Variants in MGAT4C observed in about 807,000 individuals in gnomAD.
MGAT4C encodes the protein alpha-1,3-mannosyl-glycoprotein 4-beta-N-acetylglucosaminyltransferase C.
MGAT4C carries 19 observed loss-of-function variants against 40.1 expected under a neutral mutation model. That is an observed-to-expected ratio of 0.47 (90% confidence interval 0.33 to 0.70). MGAT4C has a LOEUF of 0.70. Among genes scored for constraint, MGAT4C ranks in the 30% least tolerant of loss-of-function variants. The pLI is 0.02. For synonymous variants in MGAT4C, 181 were observed against 187.1 expected, an observed-to-expected ratio of 0.97 and a Z score of 0.27; for missense variants, 491 against 563.2, an observed-to-expected ratio of 0.87 and a Z score of 1.30.
chr12:86,582,725 A>C (rs1371900285), intron 2 of MGAT4C, among the ~76,000 whole-genome samples: 5 of 151,256 alleles, frequency 3.3e-5, no homozygotes, highest in Non-Finnish European at 7.4e-5. Flanking sequence ...GTGATATTGA[A>C]TAGGCTGGTT....
chr12:86,710,808 G>A (rs557477064), intron 2 of MGAT4C, among the ~76,000 whole-genome samples: 1 of 152,282 alleles, frequency 6.6e-6, no homozygotes, highest in South Asian at 2.1e-4. Context: ...CGAACGAGTG[G>A]ATGAAGAACA....
At chr12:86,362,929 G>T (rs1349615021) in intron 3 of MGAT4C, among the ~76,000 whole-genome samples, 1 of 149,308 alleles carries the variant, frequency 6.7e-6, no homozygotes, top group African/African-American at 2.5e-5. Flanking sequence ...GTGGATTTCA[G>T]CATAAGGAAA....
chr12:86,191,632 AACACACACACACAC>A (rs61626246), intron 1 of MGAT4C, among the ~76,000 whole-genome samples: 33 of 122,000 alleles, frequency 2.7e-4, no homozygotes, highest in South Asian at 6.8e-4. Flanking sequence ...CAAAAAACAA[AACACACACACACAC>A]ACACACACAC....
chr12:86,420,481 G>T (rs562402945), intron 3 of MGAT4C, among the ~76,000 whole-genome samples: 2 of 151,812 alleles, frequency 1.3e-5, no homozygotes, highest in Non-Finnish European at 2.9e-5. Context: ...CTCTAAATTC[G>T]CAATATTTAC....
At chr12:86,270,801 C>A (rs1482329078) in intron 4 of MGAT4C, among the ~76,000 whole-genome samples, 1 of 152,118 alleles carries the variant, frequency 6.6e-6, no homozygotes, top group Non-Finnish European at 1.5e-5. Context: ...TAGTAAACGA[C>A]ATGGTATTGG....
intron 1 of MGAT4C, among the ~76,000 whole-genome samples, chr12:86,241,961 A>C (rs76533637): frequency 6.6e-6 from 1 of 152,016 alleles, no homozygotes; most frequent in Admixed American, 6.6e-5. Context: ...GAGGGGGGGA[A>C]ATTGAGAAAA....
intron 4 of MGAT4C, among the ~76,000 whole-genome samples, chr12:86,276,728 C>T (rs1007209454): frequency 2.0e-5 from 3 of 152,072 alleles, no homozygotes; most frequent in Non-Finnish European, 4.4e-5. Context: ...ACATAATGAC[C>T]TCCAGTTCCA....
chr12:86,784,293 T>G (rs1951894643), intron 1 of MGAT4C, among the ~76,000 whole-genome samples: 1 of 152,066 alleles, frequency 6.6e-6, no homozygotes, highest in Non-Finnish European at 1.5e-5. Flanking sequence ...TGTGACTAGA[T>G]TAGAAAGCCT....
At chr12:86,298,664 A>G (rs1245921466) in intron 4 of MGAT4C, among the ~76,000 whole-genome samples, 1 of 152,212 alleles carries the variant, frequency 6.6e-6, no homozygotes, top group Non-Finnish European at 1.5e-5. Flanking sequence ...GAGAAATTTT[A>G]ATGAATTTTT....
intron 2 of MGAT4C, among the ~76,000 whole-genome samples, chr12:86,511,004 A>T (rs915637102): frequency 1.7e-4 from 26 of 152,184 alleles, no homozygotes; most frequent in Non-Finnish European, 3.4e-4. Context: ...ATAGACATCT[A>T]CAGAACTCTC....
intron 3 of MGAT4C, among the ~76,000 whole-genome samples, chr12:86,420,301 G>T (rs1445278715): frequency 6.6e-6 from 1 of 152,010 alleles, no homozygotes; most frequent in Non-Finnish European, 1.5e-5. Flanking sequence ...AGGATCACTT[G>T]AGCCCAGAGG....
At chr12:86,713,966 G>T (rs1250338601) in intron 2 of MGAT4C, among the ~76,000 whole-genome samples, 2 of 152,136 alleles carry the variant, frequency 1.3e-5, no homozygotes, top group Non-Finnish European at 2.9e-5. Flanking sequence ...TTAGAAAATG[G>T]TTTGCACATA....
intron 4 of MGAT4C, among the ~76,000 whole-genome samples, chr12:86,271,179 T>C (rs934492888): frequency 6.6e-6 from 1 of 152,136 alleles, no homozygotes; most frequent in Non-Finnish European, 1.5e-5. Flanking sequence ...TATATTAAAC[T>C]AAACAGCTTC....
chr12:86,529,670 T>G (rs779303012), intron 2 of MGAT4C, among the ~76,000 whole-genome samples: 4 of 152,074 alleles, frequency 2.6e-5, no homozygotes, highest in Non-Finnish European at 5.9e-5. Flanking sequence ...TTTTGGTTTT[T>G]GATTTCCTTT....
chr12:86,098,956 C>A lies in MGAT4C; in HGVS notation c.-56-49233G>T, dbSNP rs572120100. Among the ~76,000 whole-genome samples, 8 of 151,466 alleles carry A rather than the reference C, an allele frequency of 5.3e-5. 1 individual carries two copies. In the East Asian group the frequency reaches 1.2e-3, roughly 22 times the overall value. ...AAATATTCCATTCAATTACAGATAA[C>A]CTTTCTTCTCACTTAAAACTACTTA... On this transcript the variant is annotated intron_variant, in intron 1 of 4. Transcript: ENST00000611864.
chr12:86,482,677 TTAGAACAAA>T (rs1957956875), intron 2 of MGAT4C, among the ~76,000 whole-genome samples: 1 of 152,108 alleles, frequency 6.6e-6, no homozygotes, highest in Non-Finnish European at 1.5e-5. Flanking sequence ...TTTCAGCTTG[TTAGAACAAA>T]TTTTCTCTAA....
At chr12:86,151,809 G>C (rs1884320671) in intron 1 of MGAT4C, among the ~76,000 whole-genome samples, 2 of 152,228 alleles carry the variant, frequency 1.3e-5, no homozygotes, top group Non-Finnish European at 1.5e-5. Flanking sequence ...TTATGCCCTG[G>C]TTTATGCTTT....
intron 3 of MGAT4C, among the ~76,000 whole-genome samples, chr12:86,405,600 A>G (rs553469193): frequency 1.3e-5 from 2 of 152,028 alleles, no homozygotes; most frequent in African/African-American, 2.4e-5. Flanking sequence ...ACAATTTCTG[A>G]ATTGTTTTTT....
chr12:86,217,204 T>A (rs61949010), intron 1 of MGAT4C, among the ~76,000 whole-genome samples: 9,708 of 152,268 alleles, frequency 0.064, 441 homozygotes, highest in Non-Finnish European at 0.095. Context: ...AGACAGGGTC[T>A]CACTCTGTCA....
Sources: allele counts gnomAD v4.1 joint callset (sites outside exome capture counted in the v4.1 genomes callset), GRCh38; gene constraint gnomAD v4.1.1; transcripts MANE v1.5; gene names NCBI Gene and HGNC (gene_info 2026-07-23, HGNC 2026-07-21).